The following TAF1 variants were observed in gnomAD, a reference collection of about 807,000 sequenced individuals.
TAF1 encodes the protein TATA-box binding protein associated factor 1, also known as transcription initiation factor TFIID subunit 1.
TAF1 carries 2 observed loss-of-function variants against 138.5 expected under a neutral mutation model. That is an observed-to-expected ratio of 0.01 (90% CI 0.01 to 0.05). The LOEUF is 0.05. TAF1 is among the 10% of genes least tolerant of loss of function. TAF1 has a pLI of 1.00. For synonymous variants in TAF1, 437 were observed against 503.2 expected (o/e 0.87, Z 1.76); for missense variants, 709 against 1,478.0 (o/e 0.48, Z 8.53).
chrX:71,453,101 G>GGAGGGAGAGGGA (rs373969731), intron 32 of TAF1, among the ~76,000 whole-genome samples: 6 of 110,229 alleles, frequency 5.4e-5, no homozygotes, highest in Middle Eastern at 4.6e-3. Context: ...GAGAGGGAGA[G>GGAGGGAGAGGGA]GAGGGAGAGG....
chrX:71,475,597 A>G (rs1301801452), intron 13 of TAF1, among the ~76,000 whole-genome samples: 1 of 108,849 alleles, frequency 9.2e-6, no homozygotes, highest in East Asian at 2.8e-4. Flanking sequence ...AAAAAAAAAA[A>G]AAAGAAAAAG....
rs1429072062 is a variant in TAF1, at chrX:71,378,872, G to A, written c.1201G>A (p.Glu401Lys). The A allele has an allele frequency of 8.3e-7, 1 of 1,211,654 alleles. No individual in the cohort carries two copies. The highest frequency in any genetic ancestry group is 1.7e-5 in the African/African-American group (1 of 57,742). ...CAATGGCACTGATCTTCTGGCTGAT[G>A]AAAACTTCCTGATGGTGACACAGCT... is the stretch of plus-strand genomic sequence containing the variant. Reference protein sequence around the residue: ...ENNGTDLLADENFLMVTQLHW... With the variant: ...ENNGTDLLADKNFLMVTQLHW... Residue 401 changes from glutamate (E) to lysine (K), a missense_variant, in exon 8 of 38, where the codon GAA (glutamate) becomes AAA (lysine). Coordinates refer to ENST00000423759, the MANE Select transcript of TAF1 (RefSeq NM_004606.5).
intron 32 of TAF1, among the ~76,000 whole-genome samples, chrX:71,452,887 G>C (rs987401759): frequency 4.0e-4 from 45 of 112,343 alleles, no homozygotes; most frequent in East Asian, 3.4e-3. Flanking sequence ...AGCGAAACCC[G>C]GTCTCCACCA....
At chrX:71,494,267 C>T (rs1348244653) in intron 13 of TAF1, among the ~76,000 whole-genome samples, 2 of 109,921 alleles carry the variant, frequency 1.8e-5, no homozygotes, top group African/African-American at 3.3e-5. Context: ...TACTAAAATA[C>T]AAAAAATTAG....
chrX:71,459,960 T>C (rs1169203029), intron 36 of TAF1, among the ~76,000 whole-genome samples: 3 of 112,296 alleles, frequency 2.7e-5, no homozygotes, highest in Non-Finnish European at 3.8e-5. Context: ...TGTTAAAGGC[T>C]GGGCACAGTG....
intron 13 of TAF1, among the ~76,000 whole-genome samples, chrX:71,515,455 A>G (rs1458964126): frequency 9.0e-6 from 1 of 111,504 alleles, no homozygotes; most frequent in Non-Finnish European, 1.9e-5. Flanking sequence ...GTCTCAGCTA[A>G]TTTACTTTTC....
chrX:71,475,256 A>G (rs2147496822), intron 13 of TAF1, among the ~76,000 whole-genome samples: 1 of 111,380 alleles, frequency 9.0e-6, no homozygotes, highest in African/African-American at 3.3e-5. Context: ...AGAACTTGGG[A>G]AAAGACCCAA....
intron 8 of TAF1, among the ~76,000 whole-genome samples, chrX:71,379,596 CTTTTT>C (rs10714417): frequency 3.5e-5 from 2 of 57,588 alleles, no homozygotes; most frequent in Admixed American, 2.4e-4. Context: ...TGATAAAGAT[CTTTTT>C]TTTTTTTTTT....
intron 13 of TAF1, among the ~76,000 whole-genome samples, chrX:71,476,263 A>G (rs1248270773): frequency 9.0e-6 from 1 of 111,636 alleles, no homozygotes; most frequent in Non-Finnish European, 1.9e-5. Context: ...TCGACACTTT[A>G]TATGGAAGAG....
chrX:71,384,132 A>G lies in TAF1; in HGVS notation c.2118A>G (p.Lys706=). The change falls in exon 13 of 38, where the codon AAA becomes AAG. Residue 706 remains lysine (K), a synonymous_variant. Coordinates refer to ENST00000423759, the MANE Select transcript of TAF1 (RefSeq NM_004606.5). ...CAACCAAGATAAAGAACTATTATAA[A>G]CGGGTGAGTCTCTGCTCAGAAAATT... ...GMATKIKNYY[K]RKPGKDPGAP... is the part of the protein sequence containing the mutation. 8.3e-7 allele frequency: 1 copy of G among 1,210,035 alleles called. No individual in the cohort carries two copies. Among genetic ancestry groups the G allele is most frequent in the Non-Finnish European group, 1.1e-6 (1 of 894,773 alleles).
At chrX:71,516,598 C>T (rs1391943071) in intron 13 of TAF1, among the ~76,000 whole-genome samples, 2 of 105,089 alleles carry the variant, frequency 1.9e-5, no homozygotes, top group South Asian at 4.3e-4. Context: ...GCTGTCATCA[C>T]GCCACTGCAT....
At chrX:71,366,590 A>C in intron 1 of TAF1, 96 bp downstream of exon 1, 2 of 897,190 alleles carry the variant, frequency 2.2e-6, no homozygotes, top group Non-Finnish European at 3.0e-6. Context: ...GGCAGCGAGA[A>C]CAGGGCGCAG....
intron 13 of TAF1, among the ~76,000 whole-genome samples, chrX:71,483,156 T>C (rs1030988776): frequency 7.2e-5 from 7 of 96,784 alleles, no homozygotes; most frequent in East Asian, 3.2e-4. Context: ...CTTTTCTTTT[T>C]TTTTTTTTTT....
rs1442033493 is a variant in TAF1, at chrX:71,383,887, C to CAA, written c.1948-75_1948-74insAA. On this transcript the variant is annotated intron_variant, in intron 12 of 37. Coordinates refer to ENST00000423759, the MANE Select transcript of TAF1 (RefSeq NM_004606.5). Reference sequence around the variant, plus strand: ...GGTAAAATGTTTTTGGTGTGTTTGTCTCAGATTGAACAACGTCATTGTGTG... The same window carrying CAA: ...GGTAAAATGTTTTTGGTGTGTTTGTCAATCAGATTGAACAACGTCATTGTGTG... 13 of 1,067,516 alleles carry CAA rather than the reference C, an allele frequency of 1.2e-5. No individual in the cohort carries two copies. In the African/African-American group the frequency reaches 2.5e-4, roughly 20 times the overall value. The allele number at this position is 1,067,516 out of a possible 1,213,427, so 88.0% of individuals were successfully genotyped here. A position where few individuals can be genotyped will look rare whatever the true frequency, so the allele number is the denominator to read the frequency against.
intron 32 of TAF1, chrX:71,441,665 A>T (rs1406535959): frequency 3.3e-6 from 1 of 302,359 alleles, no homozygotes. Flanking sequence ...GATTTCTCCT[A>T]TCTAGCTATA....
intron 32 of TAF1, among the ~76,000 whole-genome samples, chrX:71,452,943 CGCAGGCACTCG>C (rs1232680929): frequency 2.7e-5 from 3 of 111,991 alleles, no homozygotes; most frequent in Admixed American, 1.9e-4. Context: ...CGCCTGCAAT[CGCAGGCACTCG>C]GCAGGCTGAG....
At chrX:71,509,103 C>T (rs1371305568) in intron 13 of TAF1, among the ~76,000 whole-genome samples, 1 of 110,819 alleles carries the variant, frequency 9.0e-6, no homozygotes, top group East Asian at 2.8e-4. Context: ...CCACTGTGCC[C>T]GGTCAAGTGG....
At chrX:71,418,249 AC>A (rs1364401194) in intron 28 of TAF1, among the ~76,000 whole-genome samples, 2 of 110,884 alleles carry the variant, frequency 1.8e-5, no homozygotes, top group Non-Finnish European at 3.8e-5. Context: ...GCATGCCATC[AC>A]ATCCAGCTAA....
chrX:71,382,432 T>C (rs2033955487), intron 9 of TAF1, 104 bp from the exon 10 acceptor site: 2 of 1,097,151 alleles, frequency 1.8e-6, no homozygotes, highest in African/African-American at 3.8e-5. Flanking sequence ...GTTAAGACCT[T>C]CACTGGAACA....
Sources: gnomAD v4.1 joint callset for allele counts (sites outside exome capture counted in the v4.1 genomes callset) on GRCh38, gnomAD v4.1.1 for gene constraint, MANE v1.5 for transcripts, NCBI Gene and HGNC (gene_info 2026-07-23, HGNC 2026-07-21) for gene names.